The following TJP1 variants were observed in gnomAD, a reference collection of about 807,000 sequenced individuals.
The protein encoded by TJP1 is tight junction protein 1.
In TJP1, 43 loss-of-function variants were observed where a neutral mutation model predicts 194.2. That is an observed-to-expected ratio of 0.22 (90% CI 0.17 to 0.29). The LOEUF is 0.29. TJP1 is among the 10% of genes least tolerant of loss of function. The pLI, the probability that TJP1 is intolerant of heterozygous loss-of-function variation, is 1.00. For missense variants in TJP1, 1,971 were observed against 2,185.7 expected, an observed-to-expected ratio of 0.90 and a Z score of 1.96; for synonymous variants, 801 against 779.0, an observed-to-expected ratio of 1.03 and a Z score of -0.47.
intron 1 of TJP1, among the ~76,000 whole-genome samples, chr15:29,961,846 A>G (rs2056176318): frequency 6.6e-6 from 1 of 152,240 alleles, no homozygotes; most frequent in African/African-American, 2.4e-5. Context: ...GGCCTGCTCC[A>G]GCACAGCTTC....
intron 1 of TJP1, among the ~76,000 whole-genome samples, chr15:29,961,334 C>CCTTTT (rs1341526883): frequency 2.2e-5 from 2 of 89,834 alleles, no homozygotes; most frequent in African/African-American, 9.2e-5. Flanking sequence ...TTTCCTAATT[C>CCTTTT]TTTTTTTTTT....
At position 29,898,062 on chromosome 15, in the gene TJP1, C is replaced by T. The variant is rs567319776; in HGVS notation, c.306+58170G>A. ...GTAAGGACATGAGATTTGAGAGGGG[C>T]CAGGAGCGGAATGATATGGTTTGGC... On this transcript the variant is annotated intron_variant, in intron 2 of 28. Coordinates refer to the TJP1 transcript ENST00000356107. Among the ~76,000 whole-genome samples, 30 of 152,184 alleles carry T rather than the reference C, an allele frequency of 2.0e-4. No individual in the cohort carries two copies. The South Asian group carries it at 5.8e-3, about 30-fold the overall frequency.
intron 25 of TJP1, among the ~76,000 whole-genome samples, chr15:29,707,969 G>A (rs372718469): frequency 2.4e-4 from 36 of 152,148 alleles, no homozygotes; most frequent in Middle Eastern, 6.8e-3. Flanking sequence ...AGGTGGAGGC[G>A]GATGGATCAC....
In TJP1 at chr15:29,720,775, C is replaced by T; in HGVS notation, c.2413-67G>A. The T allele has an allele frequency of 4.9e-6, 6 of 1,228,662 alleles. No homozygotes were observed. In the South Asian group the frequency reaches 7.6e-5, roughly 16 times the overall value. The allele number at this position is 1,228,662 out of a possible 1,614,324, so 76.1% of individuals were successfully genotyped here. ...TCTTTAAGAGATGGCCTTTATCGTA[C>T]AAGGCAGATTGAAAAGGATATCTTT... On this transcript the variant is annotated intron_variant, in intron 18 of 27. Transcript: ENST00000614355.
At chr15:29,895,187 T>C (rs1365606666) in intron 2 of TJP1, among the ~76,000 whole-genome samples, 1 of 152,242 alleles carries the variant, frequency 6.6e-6, no homozygotes, top group African/African-American at 2.4e-5. Flanking sequence ...ACACCCTTGC[T>C]GTTCTCTCCC....
At chr15:29,776,148 T>C (rs2047002617) in intron 2 of TJP1, among the ~76,000 whole-genome samples, 1 of 151,830 alleles carries the variant, frequency 6.6e-6, no homozygotes, top group South Asian at 2.1e-4. Context: ...AAATACAAAA[T>C]AAAAATAAGC....
intron 2 of TJP1, among the ~76,000 whole-genome samples, chr15:29,924,566 T>C (rs994035212): frequency 2.6e-5 from 4 of 152,206 alleles, no homozygotes; most frequent in Non-Finnish European, 5.9e-5. Flanking sequence ...TGTGATCCCT[T>C]TTATGTATAT....
At chr15:29,790,933 C>T (rs984969602) in intron 2 of TJP1, among the ~76,000 whole-genome samples, 2 of 152,076 alleles carry the variant, frequency 1.3e-5, no homozygotes, top group Admixed American at 1.3e-4. Flanking sequence ...TTCTTTATCC[C>T]TTCATCAACT....
intron 2 of TJP1, among the ~76,000 whole-genome samples, chr15:29,889,366 T>C (rs2053230050): frequency 6.6e-6 from 1 of 152,328 alleles, no homozygotes. Context: ...TTTTAAATAC[T>C]TAAAATATAT....
At chr15:29,764,307 A>T (rs1377020492) in intron 5 of TJP1, among the ~76,000 whole-genome samples, 5 of 152,114 alleles carry the variant, frequency 3.3e-5, no homozygotes, top group Non-Finnish European at 7.4e-5. Flanking sequence ...GGGGGAGGGG[A>T]TGCATGGGGT....
intron 2 of TJP1, among the ~76,000 whole-genome samples, chr15:29,850,966 T>A (rs991492578): frequency 2.1e-4 from 32 of 152,152 alleles, no homozygotes; most frequent in African/African-American, 7.2e-4. Flanking sequence ...GGTGAAACGC[T>A]GTCTCTACTA....
intron 2 of TJP1, among the ~76,000 whole-genome samples, chr15:29,796,917 T>C (rs567942905): frequency 6.6e-6 from 1 of 151,774 alleles, no homozygotes; most frequent in South Asian, 2.1e-4. Flanking sequence ...CAAAGTATAA[T>C]CTTTCAAACA....
chr15:29,755,275 A>C (rs1200323117), intron 8 of TJP1, among the ~76,000 whole-genome samples: 1 of 152,206 alleles, frequency 6.6e-6, no homozygotes, highest in Non-Finnish European at 1.5e-5. Context: ...TGATGTTCAC[A>C]CAAGGATGCA....
intron 2 of TJP1, among the ~76,000 whole-genome samples, chr15:29,951,458 G>A (rs142073235): frequency 1.9e-4 from 29 of 152,034 alleles, no homozygotes; most frequent in African/African-American, 6.0e-4. Context: ...ATGAACCTCC[G>A]TGCCTGGCCA....
intron 2 of TJP1, among the ~76,000 whole-genome samples, chr15:29,871,891 T>A (rs987191588): frequency 6.6e-6 from 1 of 152,210 alleles, no homozygotes. Context: ...ATGAGAAGTA[T>A]AAACAAAAAA....
chr15:29,850,635 A>G (rs2051606229), intron 2 of TJP1, among the ~76,000 whole-genome samples: 1 of 150,710 alleles, frequency 6.6e-6, no homozygotes, highest in African/African-American at 2.4e-5. Flanking sequence ...GCGCCCAGCC[A>G]AATGTTTATT....
chr15:29,746,236 G>T (rs1274153741), intron 8 of TJP1, among the ~76,000 whole-genome samples: 1 of 152,094 alleles, frequency 6.6e-6, no homozygotes, highest in Non-Finnish European at 1.5e-5. Context: ...AAATTGGCTG[G>T]GCGTGGTGGC....
chr15:29,788,801 C>T (rs553149887), intron 2 of TJP1, among the ~76,000 whole-genome samples: 54 of 152,262 alleles, frequency 3.5e-4, no homozygotes, highest in Non-Finnish European at 7.1e-4. Context: ...CACTTCATTT[C>T]CCAAAGAATT....
At chr15:29,957,626 C>T (rs2055997020) in intron 1 of TJP1, among the ~76,000 whole-genome samples, 2 of 152,148 alleles carry the variant, frequency 1.3e-5, no homozygotes, top group Non-Finnish European at 2.9e-5. Flanking sequence ...TATCCCATAA[C>T]ATAGATGTAA....
Sources: allele counts gnomAD v4.1 joint callset (sites outside exome capture counted in the v4.1 genomes callset), GRCh38; gene constraint gnomAD v4.1.1; transcripts MANE v1.5; gene names NCBI Gene and HGNC (gene_info 2026-07-23, HGNC 2026-07-21).